Variants in PPP1R13B observed in about 807,000 individuals in gnomAD.
PPP1R13B encodes apoptosis-stimulating of p53 protein 1.
A neutral mutation model predicts 119.8 loss-of-function variants in PPP1R13B; 44 were observed. The ratio of observed to expected loss-of-function variants is 0.37; its 90% CI spans 0.29 to 0.47. The LOEUF (loss-of-function observed/expected upper bound fraction) is 0.47. Among genes scored for constraint, PPP1R13B ranks in the 20% least tolerant of loss-of-function variants. The pLI is 0.99. For missense variants in PPP1R13B, 1,227 were observed against 1,413.5 expected (o/e 0.87, Z 2.12); for synonymous variants, 542 against 561.5 (o/e 0.97, Z 0.49).
At chr14:103,846,931 G>A in intron 1 of PPP1R13B, 1 of 1,165,762 alleles carries the variant, frequency 8.6e-7, no homozygotes, top group Non-Finnish European at 1.1e-6. Context: ...CTCCCAGGGC[G>A]ACCCCAGAAC....
intron 1 of PPP1R13B, among the ~76,000 whole-genome samples, chr14:103,807,005 G>A (rs2086032394): frequency 6.6e-6 from 1 of 152,074 alleles, no homozygotes; most frequent in South Asian, 2.1e-4. Context: ...AAATTTCAAA[G>A]TCCTAACTAT....
chr14:103,736,385 G>A (rs1050705646), intron 15 of PPP1R13B, 183 bp from the exon 16 acceptor site: 13 of 626,750 alleles, frequency 2.1e-5, no homozygotes, highest in Admixed American at 2.0e-4. Flanking sequence ...TCCCCTGCCC[G>A]GCCCAGCTGC....
chr14:103,776,190 A>AGGGAGGGAGGGAGGAAGGG (rs1567114276), intron 4 of PPP1R13B, among the ~76,000 whole-genome samples: 1 of 48,520 alleles, frequency 2.1e-5, no homozygotes, highest in African/African-American at 1.5e-4. Context: ...GGGAGGGAGG[A>AGGGAGGGAGGGAGGAAGGG]AGGAAGGAAG....
At chr14:103,797,127 C>G in intron 2 of PPP1R13B, 1 of 284,178 alleles carries the variant, frequency 3.5e-6, no homozygotes, top group Non-Finnish European at 6.4e-6. Context: ...TACAAAAAAG[C>G]ATTTTGTAAA....
rs541634307 is a variant in PPP1R13B, at chr14:103,755,621, C to T, written c.457-1377G>A. Among the ~76,000 whole-genome samples the T allele has an allele frequency of 1.9e-4, 29 of 152,276 alleles. No individual in the cohort carries two copies. In the East Asian group the frequency reaches 4.8e-3, roughly 25 times the overall value. ...GGTGTGATTATGAAGGCACTACATA[C>T]TACACTCTAAGGTAAAACAATATGT... On this transcript the variant is annotated intron_variant, in intron 5 of 16. Transcript: ENST00000202556.
Position 103,742,644 on chromosome 14 carries a change from A to T in PPP1R13B, c.1320+10T>A. On this transcript the variant is annotated intron_variant, in intron 10 of 16. Transcript: ENST00000202556. This position sits in a 1 kb window ranked among gnomAD's most constrained non-coding sequence, Gnocchi z 4.9. ...CCCGCTTGTGTTCTGTGGTAAAGAC[A>T]CAGGCCTACCGGCTTCTCCGTGGGT... The T allele has an allele frequency of 6.2e-7, 1 of 1,612,944 alleles. No homozygotes were observed. The highest frequency in any genetic ancestry group is 1.7e-4 in the Middle Eastern group (1 of 6,044).
chr14:103,784,122 G>A (rs2085396180), intron 3 of PPP1R13B, among the ~76,000 whole-genome samples: 1 of 152,158 alleles, frequency 6.6e-6, no homozygotes, highest in African/African-American at 2.4e-5. Context: ...GTTGCAGTGA[G>A]CTGAGATTGT....
intron 1 of PPP1R13B, among the ~76,000 whole-genome samples, chr14:103,834,581 CTTTTTTTT>C (rs1157222905): frequency 2.3e-4 from 21 of 89,400 alleles, no homozygotes; most frequent in Admixed American, 2.0e-3. Context: ...ATTTTAATGT[CTTTTTTTT>C]TTTTTTTTTT....
intron 1 of PPP1R13B, among the ~76,000 whole-genome samples, chr14:103,814,727 C>CT (rs2152062917): frequency 6.6e-6 from 1 of 152,194 alleles, no homozygotes; most frequent in African/African-American, 2.4e-5. Flanking sequence ...GGGCGGATCA[C>CT]GAGGTCAGGA....
chr14:103,763,744 C>T (rs1476100365), intron 4 of PPP1R13B: 1 of 152,152 alleles, frequency 6.6e-6, no homozygotes, highest in East Asian at 1.9e-4. Flanking sequence ...ATCACCACAA[C>T]TCTGTTTTAG....
rs575809858 is a variant in PPP1R13B at position 103,778,892 on chromosome 14, T to A, written c.278-71A>T. On this transcript the variant is annotated intron_variant, in intron 3 of 16. Transcript: ENST00000202556. ...AAAGTAATATTCTCCCATTTCTTCA[T>A]GTATTCAAATATTTATTGAACACAA... The A allele has an allele frequency of 3.4e-6, 4 of 1,171,128 alleles. No individual in the cohort carries two copies. In the African/African-American group the frequency reaches 4.6e-5, roughly 13 times the overall value. 72.5% of individuals were successfully genotyped at this position (1,171,128 alleles called of 1,614,324 possible).
At chr14:103,824,216 C>A (rs2086482857) in intron 1 of PPP1R13B, among the ~76,000 whole-genome samples, 2 of 150,152 alleles carry the variant, frequency 1.3e-5, no homozygotes, top group South Asian at 2.1e-4. Context: ...CAGCTAATTT[C>A]TGTATTTTTA....
At chr14:103,781,996 C>A (rs537328612) in intron 3 of PPP1R13B, among the ~76,000 whole-genome samples, 1 of 152,128 alleles carries the variant, frequency 6.6e-6, no homozygotes, top group South Asian at 2.1e-4. Context: ...AAAAAAATTT[C>A]CTTATTTTCT....
chr14:103,805,789 T>C (rs2086003516), intron 1 of PPP1R13B, among the ~76,000 whole-genome samples: 1 of 152,186 alleles, frequency 6.6e-6, no homozygotes, highest in South Asian at 2.1e-4. Flanking sequence ...GACCACATGT[T>C]ATATGATTCC....
intron 8 of PPP1R13B, 118 bp from the exon 9 acceptor site, chr14:103,746,671 A>T (rs2084393792): frequency 1.2e-6 from 1 of 853,672 alleles, no homozygotes; most frequent in Non-Finnish European, 1.7e-6. Context: ...GGTTTTTAGG[A>T]AGCCTGTCAT....
At chr14:103,743,508 A>G (rs1264024142) in intron 9 of PPP1R13B, among the ~76,000 whole-genome samples, 1 of 152,254 alleles carries the variant, frequency 6.6e-6, no homozygotes, top group African/African-American at 2.4e-5. Flanking sequence ...CCCTTGTAAC[A>G]CAAGGCCCCT....
chr14:103,832,440 G>A (rs1276979083), intron 1 of PPP1R13B, among the ~76,000 whole-genome samples: 1 of 152,174 alleles, frequency 6.6e-6, no homozygotes, highest in Non-Finnish European at 1.5e-5. Context: ...TAATGACTTA[G>A]AAGCCTGGTA....
At chr14:103,841,828 C>T (rs1160528484) in intron 1 of PPP1R13B, among the ~76,000 whole-genome samples, 1 of 152,070 alleles carries the variant, frequency 6.6e-6, no homozygotes, top group African/African-American at 2.4e-5. Flanking sequence ...TTTGATGAAG[C>T]GAATATGAAT....
At chr14:103,790,552 G>A (rs1345874564) in intron 2 of PPP1R13B, among the ~76,000 whole-genome samples, 1 of 152,114 alleles carries the variant, frequency 6.6e-6, no homozygotes, top group African/African-American at 2.4e-5. Context: ...CAAGGCAGGT[G>A]GATCGCTTGA....
Sources: allele counts gnomAD v4.1 joint callset (sites outside exome capture counted in the v4.1 genomes callset), GRCh38; gene constraint gnomAD v4.1.1; non-coding constraint Gnocchi (gnomAD v3.1); transcripts MANE v1.5; gene names NCBI Gene and HGNC (gene_info 2026-07-23, HGNC 2026-07-21).